Variants in SDCCAG8 observed in about 807,000 individuals in gnomAD.
The protein encoded by SDCCAG8 is serologically defined colon cancer antigen 8.
In SDCCAG8, 74 loss-of-function variants were observed where a neutral mutation model predicts 101.8. The observed-to-expected ratio is 0.73, with a 90% CI of 0.60 to 0.88. SDCCAG8 has a LOEUF of 0.88. Among genes scored for constraint, SDCCAG8 ranks in the 40% least tolerant of loss-of-function variants. The pLI, the probability that SDCCAG8 is intolerant of heterozygous loss-of-function variation, is 0.00. For missense variants in SDCCAG8, 787 were observed against 822.6 expected, an observed-to-expected ratio of 0.96 and a Z score of 0.53; for synonymous variants, 281 against 292.9, an observed-to-expected ratio of 0.96 and a Z score of 0.41.
Position 243,370,429 on chromosome 1 carries a change from G to A in SDCCAG8, c.1474-8292G>A, listed in dbSNP as rs559655245. 1.7e-3 allele frequency among the ~76,000 whole-genome samples: 260 copies of A among 152,104 alleles called. 1 individual carries two copies. Among genetic ancestry groups the A allele is most frequent in the African/African-American group, 6.0e-3 (251 of 41,524 alleles). On this transcript the variant is annotated intron_variant, in intron 12 of 17. Transcript: ENST00000366541. The stretch of plus-strand genomic sequence containing the variant: ...TTTTTCCATTTTTAGCAAACATAAA[G>A]TCTTTATTAAACCTGTCCCAAAAAA...
intron 16 of SDCCAG8, among the ~76,000 whole-genome samples, chr1:243,464,791 C>T (rs938495788): frequency 2.0e-5 from 3 of 152,228 alleles, no homozygotes; most frequent in Non-Finnish European, 4.4e-5. Context: ...GTGAGTGAGA[C>T]TCCTTCCTGC....
At chr1:243,266,081 G>T (rs2067562207) in intron 1 of SDCCAG8, among the ~76,000 whole-genome samples, 1 of 151,848 alleles carries the variant, frequency 6.6e-6, no homozygotes, top group African/African-American at 2.4e-5. Context: ...TAAATTTATG[G>T]GTTACAAAGT....
At chr1:243,463,047 T>C (rs1186713132) in intron 16 of SDCCAG8, among the ~76,000 whole-genome samples, 1 of 152,212 alleles carries the variant, frequency 6.6e-6, no homozygotes, top group Non-Finnish European at 1.5e-5. Flanking sequence ...CCAGGGCCAA[T>C]AGGAGCTTTC....
intron 16 of SDCCAG8, among the ~76,000 whole-genome samples, chr1:243,427,313 T>C (rs2081402552): frequency 6.6e-6 from 1 of 152,226 alleles, no homozygotes; most frequent in Admixed American, 6.5e-5. Context: ...AATCCTTTTC[T>C]TTTTGTGCAG....
rs143811307 is a variant in SDCCAG8, at chr1:243,402,546, C to T, written c.1617-13156C>T. Among the ~76,000 whole-genome samples the T allele has an allele frequency of 9.4e-3, 1,426 of 151,672 alleles. 23 individuals are homozygous for T. Among genetic ancestry groups the T allele is most frequent in the African/African-American group, 0.033 (1,373 of 41,332 alleles). The stretch of plus-strand genomic sequence containing the variant: ...TTAATGACGTATTTTAAATTTTTTT[C>T]CTAAGTCTTCACACCCCTTTGTGTA... On this transcript the variant is annotated intron_variant, in intron 13 of 17. Transcript: ENST00000366541.
chr1:243,477,015 CACACACACACACACACACAG>C (rs1662556093), intron 16 of SDCCAG8, among the ~76,000 whole-genome samples: 1 of 87,572 alleles, frequency 1.1e-5, no homozygotes, highest in Non-Finnish European at 2.6e-5. Flanking sequence ...CACACACACA[CACACACACACACACACACAG>C]AGAGAAAGGC....
At chr1:243,434,741 A>G (rs80136832) in intron 16 of SDCCAG8, among the ~76,000 whole-genome samples, 1,713 of 152,286 alleles carry the variant, frequency 0.011, 36 homozygotes, top group African/African-American at 0.04. Flanking sequence ...GTTTGTTTAT[A>G]CTGTGGTGGG....
At chr1:243,367,787 A>G (rs2147872018) in intron 12 of SDCCAG8, among the ~76,000 whole-genome samples, 1 of 149,868 alleles carries the variant, frequency 6.7e-6, no homozygotes, top group African/African-American at 2.4e-5. Flanking sequence ...ATAGATGTAT[A>G]TATCTAAATA....
chr1:243,437,559 C>CA (rs2082223870), intron 16 of SDCCAG8, among the ~76,000 whole-genome samples: 1 of 119,546 alleles, frequency 8.4e-6, no homozygotes, highest in Non-Finnish European at 1.7e-5. Context: ...TGTATTGAAA[C>CA]AGAGTCTCGC....
chr1:243,417,720 T>C (rs2080692870), intron 14 of SDCCAG8, among the ~76,000 whole-genome samples: 1 of 152,214 alleles, frequency 6.6e-6, no homozygotes, highest in African/African-American at 2.4e-5. Context: ...TATTAACATG[T>C]TAAAATGTTA....
chr1:243,431,155 C>CCACTGCACTCAAGTGGTGCCATCTTGGCT (rs2081737585), intron 16 of SDCCAG8, among the ~76,000 whole-genome samples: 3 of 152,244 alleles, frequency 2.0e-5, no homozygotes, highest in Admixed American at 6.5e-5. Context: ...CAAGATGGCA[C>CCACTGCACTCAAGTGGTGCCATCTTGGCT]CACTGCACTC....
intron 13 of SDCCAG8, among the ~76,000 whole-genome samples, chr1:243,414,076 G>C (rs372804661): frequency 1.3e-5 from 2 of 152,130 alleles, no homozygotes; most frequent in East Asian, 3.9e-4. Flanking sequence ...GATGACAAAC[G>C]AAGCAGACAT....
chr1:243,270,911 A>G (rs989818573), intron 2 of SDCCAG8, 67 bp from the exon 3 acceptor site: 12 of 1,134,444 alleles, frequency 1.1e-5, no homozygotes, highest in Non-Finnish European at 1.6e-5. Context: ...AGTTGGAAGG[A>G]TGGATGGGTG....
At chr1:243,328,169 T>G (rs1405321306) in intron 9 of SDCCAG8, among the ~76,000 whole-genome samples, 1 of 152,170 alleles carries the variant, frequency 6.6e-6, no homozygotes, top group Non-Finnish European at 1.5e-5. Flanking sequence ...CCCAAAGTGC[T>G]GGGATTAAAG....
At chr1:243,437,615 C>T (rs1462917282) in intron 16 of SDCCAG8, among the ~76,000 whole-genome samples, 1 of 150,306 alleles carries the variant, frequency 6.7e-6, no homozygotes, top group Non-Finnish European at 1.5e-5. Context: ...CGGCTGACTG[C>T]AAGCCCCACC....
At chr1:243,442,805 A>G (rs955043509) in intron 16 of SDCCAG8, among the ~76,000 whole-genome samples, 9 of 152,208 alleles carry the variant, frequency 5.9e-5, no homozygotes, top group African/African-American at 2.2e-4. Context: ...CAATTCTTGG[A>G]ACCACATCTT....
Position 243,418,062 on chromosome 1 carries a change from C to A in SDCCAG8, c.1839C>A (p.Ile613=). ...CATTAGCCAAGAAACTGGAACAAAT[C>A]TCTCAAAAAACCAGGTAGGTGATGT... is the stretch of plus-strand genomic sequence containing the variant. ...CCTLAKKLEQ[I]SQKTRSEIAQ... Residue 613 remains isoleucine, a synonymous_variant, in exon 15 of 18, where the codon ATC becomes ATA. Transcript: ENST00000366541. The A allele has an allele frequency of 6.2e-7, 1 of 1,610,576 alleles. No homozygotes were observed. The highest frequency in any genetic ancestry group is 8.5e-7 in the Non-Finnish European group (1 of 1,177,218).
At chr1:243,436,670 T>C (rs2082156536) in intron 16 of SDCCAG8, among the ~76,000 whole-genome samples, 1 of 152,194 alleles carries the variant, frequency 6.6e-6, no homozygotes, top group Admixed American at 6.5e-5. Flanking sequence ...TTTATATTAG[T>C]ACTAGGAAAT....
intron 8 of SDCCAG8, among the ~76,000 whole-genome samples, chr1:243,315,084 T>C (rs2073121177): frequency 6.6e-6 from 1 of 152,212 alleles, no homozygotes; most frequent in Admixed American, 6.5e-5. Flanking sequence ...AAGAATCTCA[T>C]TGAATAGTTA....
Sources: allele counts gnomAD v4.1 joint callset (sites outside exome capture counted in the v4.1 genomes callset), GRCh38; gene constraint gnomAD v4.1.1; transcripts MANE v1.5; gene names NCBI Gene and HGNC (gene_info 2026-07-23, HGNC 2026-07-21).